Variants in ZNF329 observed in about 807,000 individuals in gnomAD.
ZNF329 encodes the protein zinc finger protein 329.
Under a neutral mutation model 26.6 loss-of-function variants are expected in ZNF329, and 15 were observed. That is an observed-to-expected ratio of 0.56 (90% CI 0.38 to 0.87). The LOEUF (loss-of-function observed/expected upper bound fraction) is 0.87, where lower values mean the gene tolerates loss of function less well. Ranked by LOEUF, ZNF329 falls within the 40% of genes least tolerant of loss-of-function variation. ZNF329 has a pLI of 0.00. For missense variants in ZNF329, 651 were observed against 651.9 expected, an observed-to-expected ratio of 1.00 and a Z score of 0.02; for synonymous variants, 239 against 233.5, an observed-to-expected ratio of 1.02 and a Z score of -0.21.
chr19:58,153,559 G>A (rs76945347), upstream of ZNF329, among the ~76,000 whole-genome samples: 1,001 of 152,292 alleles, frequency 6.6e-3, 10 homozygotes, highest in African/African-American at 0.022. Context: ...AAACAAACAA[G>A]TGTGACTGCA....
chr19:58,150,438 C>A (rs948212903), intron 1 of ZNF329, among the ~76,000 whole-genome samples: 1 of 152,176 alleles, frequency 6.6e-6, no homozygotes, highest in African/African-American at 2.4e-5. Context: ...TATGGGAGGG[C>A]GGGCTAGAGA....
Position 58,129,013 on chromosome 19 carries a change from T to C in ZNF329, c.491A>G (p.His164Arg). 6.2e-7 allele frequency: 1 copy of C among 1,613,072 alleles called. No homozygotes were observed. Among genetic ancestry groups the C allele is most frequent in the Non-Finnish European group, 8.5e-7 (1 of 1,179,340 alleles). ...KSFNHFTSLG[H>R]QKIMKRGKKS... ...CTTGCCTCTTTTCATTATTTTCTGA[T>C]GACCAAGAGAGGTAAAATGATTAAA... The change falls in exon 4 of 4, where the codon CAT becomes CGT. Residue 164 changes from histidine to arginine, a missense_variant. His to Arg is a conservative substitution (Grantham distance 29). Coordinates refer to ENST00000598312, the MANE Select transcript of ZNF329 (RefSeq NM_024620.4).
At chr19:58,148,548 T>C (rs1280134330) in intron 1 of ZNF329, among the ~76,000 whole-genome samples, 2 of 152,030 alleles carry the variant, frequency 1.3e-5, no homozygotes, top group East Asian at 3.8e-4. Context: ...CTAGTTTTGT[T>C]TAAATGTTCA....
intron 3 of ZNF329, among the ~76,000 whole-genome samples, chr19:58,130,982 A>G (rs2074927097): frequency 6.6e-6 from 1 of 152,152 alleles, no homozygotes; most frequent in Non-Finnish European, 1.5e-5. Context: ...TGCTGCAAAT[A>G]CAGGGATGAG....
At chr19:58,134,633 C>A (rs1009490566) in intron 3 of ZNF329, among the ~76,000 whole-genome samples, 8 of 152,234 alleles carry the variant, frequency 5.3e-5, no homozygotes, top group African/African-American at 1.9e-4. Flanking sequence ...ACAGTAACAA[C>A]ATGCCTCAAA....
At chr19:58,134,197 A>G (rs1056750498) in intron 3 of ZNF329, among the ~76,000 whole-genome samples, 3 of 152,338 alleles carry the variant, frequency 2.0e-5, no homozygotes, top group South Asian at 2.1e-4. Flanking sequence ...GGATGCTGCT[A>G]AATATCCTAT....
upstream of ZNF329, chr19:58,150,936 T>G (rs902642097): frequency 6.6e-6 from 1 of 152,342 alleles, no homozygotes; most frequent in Non-Finnish European, 1.5e-5. Flanking sequence ...ATTTACTTTC[T>G]CCTATGGTCT....
intron 3 of ZNF329, among the ~76,000 whole-genome samples, chr19:58,140,128 A>G (rs1380067213): frequency 1.3e-5 from 2 of 152,174 alleles, no homozygotes; most frequent in Non-Finnish European, 2.9e-5. Context: ...GGTTTGGGTC[A>G]TGGAGGTGGA....
chr19:58,129,108 G>A lies in ZNF329; in HGVS notation c.396C>T (p.Ser132=), dbSNP rs1343993951. The A allele has an allele frequency of 5.6e-6, 9 of 1,613,830 alleles. No individual in the cohort carries two copies. Among genetic ancestry groups the A allele is most frequent in the East Asian group, 2.2e-5 (1 of 44,896 alleles). Residue 132 remains serine (S), a synonymous_variant, in exon 4 of 4, where the codon TCC becomes TCT. Coordinates refer to ENST00000598312, the MANE Select transcript of ZNF329 (RefSeq NM_024620.4). Reference sequence around the variant, plus strand: ...GATTTCTTCCATGAATAACTTCCATGGAATGGTTGAAGCCTTTTCCACAGG... The same window carrying A: ...GATTTCTTCCATGAATAACTTCCATAGAATGGTTGAAGCCTTTTCCACAGG... ...SDACGKGFNH[S]MEVIHGRNPV...
intron 3 of ZNF329, among the ~76,000 whole-genome samples, chr19:58,130,673 CAA>C (rs11394563): frequency 0.015 from 1,311 of 88,150 alleles, 18 homozygotes; most frequent in African/African-American, 0.056. Flanking sequence ...GACTCCGTCT[CAA>C]AAAAAAAAAA....
chr19:58,130,173 A>G (rs1457281416), intron 3 of ZNF329, among the ~76,000 whole-genome samples: 1 of 152,118 alleles, frequency 6.6e-6, no homozygotes, highest in East Asian at 1.9e-4. Context: ...TACAAAAAAA[A>G]TCAGCCAGGC....
rs191420879 is a variant in ZNF329 at position 58,133,674 on chromosome 19, G to A, written c.-8-4163C>T. ...TGTTCTTCAAAAAAACCCCAAGAACGAAGGAAGGAAAAACAAAGGAATTGA... is the reference window on the plus strand; with the variant it reads ...TGTTCTTCAAAAAAACCCCAAGAACAAAGGAAGGAAAAACAAAGGAATTGA... On this transcript the variant is annotated intron_variant, in intron 3 of 3. Transcript: ENST00000598312. 1.4e-4 allele frequency among the ~76,000 whole-genome samples: 22 copies of A among 152,100 alleles called. No individual in the cohort carries two copies. The East Asian group carries it at 4.1e-3, about 28-fold the overall frequency.
At chr19:58,150,381 C>T (rs1408993893) in intron 1 of ZNF329, among the ~76,000 whole-genome samples, 1 of 152,208 alleles carries the variant, frequency 6.6e-6, no homozygotes, top group African/African-American at 2.4e-5. Flanking sequence ...CGGGGGTTAC[C>T]CCCGGAGACG....
In ZNF329 at chr19:58,128,649, T is replaced by C. The variant is rs763658647; in HGVS notation, c.855A>G (p.Lys285=). The C allele has an allele frequency of 6.2e-7, 1 of 1,602,972 alleles. No individual in the cohort carries two copies. Among genetic ancestry groups the C allele is most frequent in the South Asian group, 1.1e-5 (1 of 89,252 alleles). ...TTCCACACTCTAGGCATTCATAAGG[T>C]TTCTCGCCTGTGTGAATTCTCTGGT... is the stretch of plus-strand genomic sequence containing the variant. ...TQHQRIHTGE[K]PYECLECGKT... Residue 285 remains lysine (K), a synonymous_variant, in exon 4 of 4, where the codon AAA becomes AAG. Coordinates refer to ENST00000598312, the MANE Select transcript of ZNF329 (RefSeq NM_024620.4).
chr19:58,132,982 T>G lies in ZNF329; in HGVS notation c.-8-3471A>C, dbSNP rs564428380. 4.4e-3 allele frequency among the ~76,000 whole-genome samples: 668 copies of G among 152,116 alleles called. 2 individuals carry two copies. Among genetic ancestry groups the G allele is most frequent in the Non-Finnish European group, 7.2e-3 (491 of 67,984 alleles). On this transcript the variant is annotated intron_variant, in intron 3 of 3. Coordinates refer to ENST00000598312, the MANE Select transcript of ZNF329 (RefSeq NM_024620.4). ...TGTCTGCCACCACGCCCAGCTAATT[T>G]TTTGTACTTTTAGTAGAGACAGGGT...
chr19:58,144,386 A>ATCTATCTATTTT (rs1568672211), intron 1 of ZNF329, among the ~76,000 whole-genome samples: 1 of 95,464 alleles, frequency 1.0e-5, no homozygotes, highest in Non-Finnish European at 2.2e-5. Context: ...CTATCTATAT[A>ATCTATCTATTTT]TATATATATA....
upstream of ZNF329, among the ~76,000 whole-genome samples, chr19:58,153,062 G>A (rs898058960): frequency 3.3e-5 from 5 of 152,048 alleles, no homozygotes; most frequent in African/African-American, 7.3e-5. Context: ...CCATTCAGTG[G>A]CAAAGAGAAA....
At chr19:58,131,585 G>A (rs1395422019) in intron 3 of ZNF329, among the ~76,000 whole-genome samples, 1 of 152,082 alleles carries the variant, frequency 6.6e-6, no homozygotes, top group Non-Finnish European at 1.5e-5. Flanking sequence ...AGCTATAGAG[G>A]ATTCTTACAG....
At chr19:58,142,330 T>TA (rs1258204780) in intron 3 of ZNF329, among the ~76,000 whole-genome samples, 2 of 152,152 alleles carry the variant, frequency 1.3e-5, no homozygotes. Context: ...GTTAATATAA[T>TA]AAAAAACAAT....
Sources: gnomAD v4.1 joint callset for allele counts (sites outside exome capture counted in the v4.1 genomes callset) on GRCh38, gnomAD v4.1.1 for gene constraint, MANE v1.5 for transcripts, NCBI Gene and HGNC (gene_info 2026-07-23, HGNC 2026-07-21) for gene names.